Variants in EPN2 observed in about 807,000 individuals in gnomAD.
EPN2 encodes the protein epsin-2.
In EPN2, 34 loss-of-function variants were observed where a neutral mutation model predicts 61.7. The ratio of observed to expected loss-of-function variants is 0.55; its 90% CI spans 0.42 to 0.73. The LOEUF (loss-of-function observed/expected upper bound fraction) is 0.73, where lower values mean the gene tolerates loss of function less well. Ranked by LOEUF, EPN2 falls within the 30% of genes least tolerant of loss-of-function variation. The pLI, the probability that EPN2 is intolerant of heterozygous loss-of-function variation, is 0.00. For synonymous variants in EPN2, 349 were observed against 353.6 expected (o/e 0.99, Z 0.15); for missense variants, 714 against 839.2 (o/e 0.85, Z 1.84).
intron 1 of EPN2, chr17:19,279,825 CT>C (rs1442278367): frequency 6.8e-6 from 1 of 148,002 alleles, no homozygotes; most frequent in Admixed American, 6.8e-5. Context: ...TCTTTTTTTT[CT>C]TTACTTTTCT....
chr17:19,332,882 G>A (rs1907227011), intron 10 of EPN2, among the ~76,000 whole-genome samples: 2 of 152,220 alleles, frequency 1.3e-5, no homozygotes, highest in Non-Finnish European at 1.5e-5. Context: ...TCACCCTCAG[G>A]TGTTCAGCCC....
chr17:19,285,846 G>T lies in EPN2; in HGVS notation c.766+56G>T. On this transcript the variant is annotated intron_variant, in intron 4 of 10. Transcript: ENST00000314728. This position sits in a 1 kb window ranked among gnomAD's most constrained non-coding sequence, Gnocchi z 4.5. ...AGAAATGCTGGGCAGCTTGCTGGGGGTGTGCTTGCCATGCCAGTACAGCCA... is the reference window on the plus strand; with the variant it reads ...AGAAATGCTGGGCAGCTTGCTGGGGTTGTGCTTGCCATGCCAGTACAGCCA... The T allele has an allele frequency of 1.4e-6, 2 of 1,479,224 alleles. No individual in the cohort carries two copies. Among genetic ancestry groups the T allele is most frequent in the South Asian group, 2.8e-5 (2 of 72,466 alleles). 91.6% of individuals were successfully genotyped at this position (1,479,224 alleles called of 1,614,324 possible). A position where few individuals can be genotyped will look rare whatever the true frequency, so the allele number is the denominator to read the frequency against.
chr17:19,251,396 T>C (rs1327635882), intron 1 of EPN2, among the ~76,000 whole-genome samples: 1 of 152,126 alleles, frequency 6.6e-6, no homozygotes, highest in African/African-American at 2.4e-5. Context: ...TTTGTGGGGC[T>C]CTGTTAAAAG....
intron 4 of EPN2, among the ~76,000 whole-genome samples, chr17:19,290,699 T>TTAA (rs1567856291): frequency 4.1e-4 from 2 of 4,926 alleles, no homozygotes; most frequent in East Asian, 3.1e-3. Flanking sequence ...ATTCCCGTTC[T>TTAA]CAAAAAAAAA....
intron 7 of EPN2, among the ~76,000 whole-genome samples, chr17:19,315,114 G>T (rs1906324252): frequency 6.6e-6 from 1 of 152,254 alleles, no homozygotes; most frequent in South Asian, 2.1e-4. Flanking sequence ...TTTTTATATT[G>T]TTTGGCTTGT....
chr17:19,313,906 G>A (rs571989351), intron 7 of EPN2, among the ~76,000 whole-genome samples: 4 of 152,318 alleles, frequency 2.6e-5, no homozygotes, highest in East Asian at 1.9e-4. Flanking sequence ...CTGGGCAGGA[G>A]CATGGCCCAG....
intron 1 of EPN2, among the ~76,000 whole-genome samples, chr17:19,249,970 A>G (rs944936346): frequency 6.6e-6 from 1 of 151,212 alleles, no homozygotes; most frequent in Non-Finnish European, 1.5e-5. Flanking sequence ...ACTCTTTCCC[A>G]CGTGGTTTCT....
chr17:19,255,190 G>T (rs1432142973), intron 1 of EPN2, among the ~76,000 whole-genome samples: 1 of 152,154 alleles, frequency 6.6e-6, no homozygotes, highest in Non-Finnish European at 1.5e-5. Flanking sequence ...GCATCATGCT[G>T]TATGTCTTCT....
At chr17:19,312,349 G>A (rs1048983469) in intron 6 of EPN2, among the ~76,000 whole-genome samples, 1 of 152,228 alleles carries the variant, frequency 6.6e-6, no homozygotes, top group African/African-American at 2.4e-5. Flanking sequence ...TAATGTCCCA[G>A]TGCCTCAGTC....
At chr17:19,268,746 G>A (rs368305508) in intron 1 of EPN2, among the ~76,000 whole-genome samples, 6 of 152,260 alleles carry the variant, frequency 3.9e-5, no homozygotes, top group South Asian at 2.1e-4. Flanking sequence ...ACAGGAACAC[G>A]GGTAGGCACA....
At chr17:19,292,852 G>A (rs2045478650) in intron 4 of EPN2, among the ~76,000 whole-genome samples, 1 of 152,216 alleles carries the variant, frequency 6.6e-6, no homozygotes. Flanking sequence ...GGTTAATAAG[G>A]AAACTGACAT....
rs189499850 is a variant in EPN2, at chr17:19,285,171, C to T, written c.596-449C>T. Reference sequence around the variant, plus strand: ...CTGTGGCTGTGGCTTTGATGCAGGCCAAGGGGAGCTGCCATTCTCTTTATG... The same window carrying T: ...CTGTGGCTGTGGCTTTGATGCAGGCTAAGGGGAGCTGCCATTCTCTTTATG... On this transcript the variant is annotated intron_variant, in intron 3 of 10. Transcript: ENST00000314728. The surrounding 1 kb of genome is among the most constrained non-coding windows in gnomAD (Gnocchi z 4.5). 6.6e-6 allele frequency among the ~76,000 whole-genome samples: 1 copy of T among 152,312 alleles called. No individual in the cohort carries two copies. The highest frequency in any genetic ancestry group is 1.9e-4 in the East Asian group (1 of 5,186).
intron 1 of EPN2, among the ~76,000 whole-genome samples, chr17:19,255,567 T>G (rs1178607497): frequency 6.7e-6 from 1 of 148,760 alleles, no homozygotes; most frequent in Non-Finnish European, 1.5e-5. Flanking sequence ...AGAGTTTTTT[T>G]TTTTTTTTTT....
At chr17:19,275,621 G>T (rs1031320139) in intron 1 of EPN2, among the ~76,000 whole-genome samples, 2 of 152,152 alleles carry the variant, frequency 1.3e-5, no homozygotes, top group East Asian at 3.9e-4. Context: ...GCTGCTGGGC[G>T]GGGGAACTGT....
chr17:19,319,174 G>T (rs1371242675), intron 7 of EPN2, among the ~76,000 whole-genome samples: 1 of 151,424 alleles, frequency 6.6e-6, no homozygotes, highest in African/African-American at 2.4e-5. Flanking sequence ...CTCCAGCCTG[G>T]GCAACAGTGA....
intron 1 of EPN2, among the ~76,000 whole-genome samples, chr17:19,244,124 C>T (rs1473526775): frequency 6.6e-6 from 1 of 152,210 alleles, no homozygotes; most frequent in Non-Finnish European, 1.5e-5. Flanking sequence ...GTTCATCATT[C>T]TCACACATCA....
chr17:19,289,015 G>A (rs1399447641), intron 4 of EPN2, among the ~76,000 whole-genome samples: 1 of 151,790 alleles, frequency 6.6e-6, no homozygotes, highest in South Asian at 2.1e-4. Context: ...GTGGGAGATG[G>A]TGGGGGTCTG....
At chr17:19,244,180 G>A (rs555824820) in intron 1 of EPN2, among the ~76,000 whole-genome samples, 1 of 152,198 alleles carries the variant, frequency 6.6e-6, no homozygotes, top group Admixed American at 6.5e-5. Flanking sequence ...TAACTTGGGG[G>A]CTGGGTGCAG....
intron 4 of EPN2, among the ~76,000 whole-genome samples, chr17:19,299,436 C>T (rs1167781278): frequency 6.6e-6 from 1 of 152,254 alleles, no homozygotes; most frequent in African/African-American, 2.4e-5. Flanking sequence ...CTTTTCCTTA[C>T]TGCTGGTCCC....
Sources: gnomAD v4.1 joint callset for allele counts (sites outside exome capture counted in the v4.1 genomes callset) on GRCh38, gnomAD v4.1.1 for gene constraint, Gnocchi (gnomAD v3.1) non-coding constraint, MANE v1.5 for transcripts, NCBI Gene and HGNC (gene_info 2026-07-23, HGNC 2026-07-21) for gene names.